HERC4: variants seen among roughly 807,000 people sequenced by gnomAD.
The protein encoded by HERC4 is probable E3 ubiquitin-protein ligase HERC4.
A neutral mutation model predicts 124.3 loss-of-function variants in HERC4; 28 were observed. The ratio of observed to expected loss-of-function variants is 0.23; its 90% CI spans 0.17 to 0.31. The LOEUF (loss-of-function observed/expected upper bound fraction) is 0.31. Ranked by LOEUF, HERC4 falls within the 10% of genes least tolerant of loss-of-function variation. HERC4 has a pLI of 1.00. For missense variants in HERC4, 713 were observed against 1,229.3 expected, an observed-to-expected ratio of 0.58 and a Z score of 6.28; for synonymous variants, 407 against 421.5, an observed-to-expected ratio of 0.97 and a Z score of 0.42.
At chr10:68,006,644 G>A (rs1400593809) in intron 9 of HERC4, among the ~76,000 whole-genome samples, 1 of 152,002 alleles carries the variant, frequency 6.6e-6, no homozygotes, top group Non-Finnish European at 1.5e-5. Context: ...TCCCAAAGTG[G>A]TGGGATTATA....
intron 9 of HERC4, among the ~76,000 whole-genome samples, chr10:68,005,202 T>G (rs972646059): frequency 2.0e-5 from 3 of 152,210 alleles, no homozygotes; most frequent in African/African-American, 7.2e-5. Context: ...ATATCCGCTT[T>G]GTATATCTGG....
intron 7 of HERC4, among the ~76,000 whole-genome samples, chr10:68,031,644 A>T (rs1345288425): frequency 6.6e-6 from 1 of 152,232 alleles, no homozygotes; most frequent in Non-Finnish European, 1.5e-5. Context: ...TTATATTTTT[A>T]AAAGTGCCTT....
chr10:67,931,154 G>T (rs1187237776), intron 23 of HERC4, among the ~76,000 whole-genome samples: 2 of 151,402 alleles, frequency 1.3e-5, no homozygotes. Context: ...CCAAATTTTT[G>T]TATATTTAGT....
chr10:67,956,644 T>C (rs779481908), intron 17 of HERC4: 16 of 300,488 alleles, frequency 5.3e-5, no homozygotes, highest in Admixed American at 1.4e-4. Context: ...AAGAGGCTTA[T>C]ACAATTTTTA....
At chr10:67,997,915 G>GT (rs199974939) in intron 9 of HERC4, among the ~76,000 whole-genome samples, 2,510 of 152,106 alleles carry the variant, frequency 0.017, 76 homozygotes, top group African/African-American at 0.057. Flanking sequence ...TTGTTCATTT[G>GT]TTTTTGAGAC....
intron 16 of HERC4, chr10:67,959,153 G>A (rs763779468): frequency 3.7e-5 from 59 of 1,578,934 alleles, no homozygotes; most frequent in Admixed American, 5.5e-5. Flanking sequence ...CAGCAGTGCA[G>A]AATATAACAA....
At chr10:67,942,583 C>T (rs1055925398) in intron 19 of HERC4, among the ~76,000 whole-genome samples, 1 of 152,120 alleles carries the variant, frequency 6.6e-6, no homozygotes, top group Non-Finnish European at 1.5e-5. Flanking sequence ...GCGATCTTGG[C>T]TCACGGCAAC....
chr10:68,033,954 T>C lies in HERC4; in HGVS notation c.685+11A>G. The C allele has an allele frequency of 1.2e-6, 2 of 1,609,220 alleles. No homozygotes were observed. The highest frequency in any genetic ancestry group is 1.7e-6 in the Non-Finnish European group (2 of 1,175,668). ...AAAAGTACACTTAAACTATACATAA[T>C]GAGAACCTACCATTTTCATCATTAA... On this transcript the variant is annotated intron_variant, in intron 6 of 24. Coordinates refer to ENST00000373700, the MANE Select transcript of HERC4 (RefSeq NM_015601.4).
At chr10:67,992,358 G>T in intron 10 of HERC4, 35 bp from the exon 11 acceptor site, 1 of 1,602,602 alleles carries the variant, frequency 6.2e-7, no homozygotes. Context: ...AGAGGGAAGA[G>T]ATATTATATA....
intron 3 of HERC4, among the ~76,000 whole-genome samples, chr10:68,060,837 C>T (rs1366666565): frequency 6.6e-6 from 1 of 151,942 alleles, no homozygotes; most frequent in East Asian, 1.9e-4. Flanking sequence ...TTAGAAATTA[C>T]ACATATGCTG....
intron 23 of HERC4, among the ~76,000 whole-genome samples, chr10:67,931,486 G>A (rs1403075918): frequency 2.6e-5 from 4 of 151,904 alleles, no homozygotes; most frequent in East Asian, 1.9e-4. Context: ...GTGCAGTGGC[G>A]CGATCTTGGC....
In HERC4 at chr10:67,970,699, A is replaced by G. The variant is rs563850583; in HGVS notation, c.1807-3897T>C. Among the ~76,000 whole-genome samples the G allele has an allele frequency of 4.6e-5, 7 of 152,246 alleles. No homozygotes were observed. In the South Asian group the frequency reaches 1.5e-3, roughly 32 times the overall value. On this transcript the variant is annotated intron_variant, in intron 15 of 24. Coordinates refer to ENST00000373700, the MANE Select transcript of HERC4 (RefSeq NM_015601.4). ...GACCCAAATGTTGGAGCTAGGAAAC[A>G]GGGGCTTTAGGAAAATATTTTGAAC... is the stretch of plus-strand genomic sequence containing the variant.
At chr10:67,985,602 G>A (rs749974513) in intron 15 of HERC4, among the ~76,000 whole-genome samples, 4 of 152,134 alleles carry the variant, frequency 2.6e-5, no homozygotes, top group Admixed American at 2.6e-4. Flanking sequence ...AATATGTAGC[G>A]ACTAGGCTAG....
rs1169990782 is a variant in HERC4 at position 67,939,672 on chromosome 10, T to C, written c.2505-18A>G. On this transcript the variant is annotated intron_variant, in intron 20 of 24. Coordinates refer to ENST00000373700, the MANE Select transcript of HERC4 (RefSeq NM_015601.4). ...GCATGCTTCTGCAAAATAATATATATGTTTCTGAGAGGAAAAAATTATTGG... is the reference window on the plus strand; with the variant it reads ...GCATGCTTCTGCAAAATAATATATACGTTTCTGAGAGGAAAAAATTATTGG... 1 of 1,538,908 alleles carries C rather than the reference T, an allele frequency of 6.5e-7. No individual in the cohort carries two copies.
intron 9 of HERC4, among the ~76,000 whole-genome samples, chr10:68,009,628 C>A (rs1184836838): frequency 6.6e-6 from 1 of 152,090 alleles, no homozygotes; most frequent in Non-Finnish European, 1.5e-5. Context: ...GCTGGGGTAG[C>A]TGTGGCAATT....
intron 10 of HERC4, 46 bp from the exon 11 acceptor site, chr10:67,992,369 T>A (rs1345117841): frequency 2.5e-6 from 4 of 1,588,080 alleles, no homozygotes; most frequent in African/African-American, 1.4e-5. Flanking sequence ...ATATTATATA[T>A]AACTCAAAAA....
chr10:67,930,020 G>A (rs1197819666), intron 23 of HERC4, among the ~76,000 whole-genome samples: 3 of 152,048 alleles, frequency 2.0e-5, no homozygotes, highest in Non-Finnish European at 4.4e-5. Context: ...TGGTCAGGGT[G>A]GTCTTGAACT....
chr10:67,939,705 G>A, intron 20 of HERC4, 51 bp from the exon 21 acceptor site: 1 of 1,083,012 alleles, frequency 9.2e-7, no homozygotes, highest in Non-Finnish European at 1.4e-6. Context: ...TGGATATTTT[G>A]ACTATTTTAC....
chr10:68,003,328 ATTT>A (rs34287961), intron 9 of HERC4, among the ~76,000 whole-genome samples: 13 of 130,812 alleles, frequency 9.9e-5, no homozygotes, highest in Non-Finnish European at 1.3e-4. Context: ...TGCCTGACTA[ATTT>A]TTTTTTTTTT....
Sources: gnomAD v4.1 joint callset for allele counts (sites outside exome capture counted in the v4.1 genomes callset) on GRCh38, gnomAD v4.1.1 for gene constraint, MANE v1.5 for transcripts, NCBI Gene and HGNC (gene_info 2026-07-23, HGNC 2026-07-21) for gene names.